Variants in SPNS1 observed in about 807,000 individuals in gnomAD.
The protein encoded by SPNS1 is protein spinster homolog 1.
In SPNS1, 22 loss-of-function variants were observed where a neutral mutation model predicts 50.3. That is an observed-to-expected ratio of 0.44 (90% confidence interval 0.31 to 0.62). The LOEUF (loss-of-function observed/expected upper bound fraction) is 0.62. Ranked by LOEUF, SPNS1 falls within the 20% of genes least tolerant of loss-of-function variation. The pLI is 0.07. For synonymous variants in SPNS1, 295 were observed against 317.4 expected, an observed-to-expected ratio of 0.93 and a Z score of 0.75; for missense variants, 576 against 728.6, an observed-to-expected ratio of 0.79 and a Z score of 2.41.
chr16:28,982,221 C>A, intron 7 of SPNS1, 135 bp from the exon 8 acceptor site: 1 of 1,349,028 alleles, frequency 7.4e-7, no homozygotes, highest in Non-Finnish European at 1.0e-6. Context: ...GGGATGATGT[C>A]TGCCACTCAG....
chr16:28,975,292 G>T lies in SPNS1; in HGVS notation c.141G>T (p.Leu47=). The T allele has an allele frequency of 6.3e-7, 1 of 1,580,442 alleles. No individual in the cohort carries two copies. The highest frequency in any genetic ancestry group is 8.6e-7 in the Non-Finnish European group (1 of 1,161,550). ...CCGAGGTCCCGGACCAGGAGGGGCT[G>T]CAGCGCATCACCGGCCTGTCTCCCG... ...EEPEVPDQEG[L]QRITGLSPGR... is the part of the protein sequence containing the mutation. Residue 47 remains leucine, a synonymous_variant, in exon 1 of 12, where the codon CTG becomes CTT. Transcript: ENST00000311008.
At chr16:28,975,603 T>C (rs771021788) in intron 2 of SPNS1, 46 bp downstream of exon 2, 52 of 1,609,532 alleles carry the variant, frequency 3.2e-5, no homozygotes, top group Non-Finnish European at 4.3e-5. Context: ...CTCCTTCTGT[T>C]CTGTCTCAAG....
intron 2 of SPNS1, among the ~76,000 whole-genome samples, chr16:28,977,330 A>G (rs1175865342): frequency 2.6e-5 from 4 of 151,676 alleles, no homozygotes; most frequent in Non-Finnish European, 4.4e-5. Flanking sequence ...AAAAAAAAAA[A>G]AAAGAGAAAA....
chr16:28,983,743 A>G lies in SPNS1; in HGVS notation c.1321-43A>G, dbSNP rs1353905766. On this transcript the variant is annotated intron_variant, in intron 10 of 11. Transcript: ENST00000311008. This position sits in a 1 kb window ranked among gnomAD's most constrained non-coding sequence, Gnocchi z 5.4. ...GGGGCGTGCCCTCCCTGGTTCATCC[A>G]TGAGGCTGACTCCCCTGGCTTTCCT... 7.2e-6 allele frequency: 11 copies of G among 1,529,256 alleles called. No individual in the cohort carries two copies. Among genetic ancestry groups the G allele is most frequent in the Non-Finnish European group, 9.6e-6 (11 of 1,140,280 alleles). The allele number at this position is 1,529,256 out of a possible 1,614,324, so 94.7% of individuals were successfully genotyped here. A position where few individuals can be genotyped will look rare whatever the true frequency, so the allele number is the denominator to read the frequency against.
Position 28,983,257 on chromosome 16 carries a change from G to A in SPNS1, c.1287G>A (p.Leu429=), listed in dbSNP as rs1358100833. Residue 429 remains leucine (L), a synonymous_variant, in exon 10 of 12, where the codon CTG becomes CTA. Coordinates refer to ENST00000311008, the MANE Select transcript of SPNS1 (RefSeq NM_032038.3). The surrounding 1 kb of genome is among the most constrained non-coding windows in gnomAD (Gnocchi z 5.4). ...EAFQIVLSHL[L]GDAGSPYLIG... is the part of the protein sequence containing the mutation. ...TCCAGATCGTGCTGTCCCACCTGCTGGGTGATGCTGGGAGCCCCTACCTCA... is the reference window on the plus strand; with the variant it reads ...TCCAGATCGTGCTGTCCCACCTGCTAGGTGATGCTGGGAGCCCCTACCTCA... 3 of 1,614,130 alleles carry A rather than the reference G, an allele frequency of 1.9e-6. No homozygotes were observed. Among genetic ancestry groups the A allele is most frequent in the Middle Eastern group, 1.6e-4 (1 of 6,062 alleles).
Position 28,981,569 on chromosome 16 carries a change from C to T in SPNS1, c.763C>T (p.Leu255=), listed in dbSNP as rs371104755. ...GGAGCGCCACTCAGATTTGCCACCC[C>T]TGAACCCCACCTCGTGGTGGGCAGA... ...AVERHSDLPP[L]NPTSWWADLR... The change falls in exon 6 of 12, where the codon CTG becomes TTG. Residue 255 remains leucine, a synonymous_variant. Coordinates refer to ENST00000311008, the MANE Select transcript of SPNS1 (RefSeq NM_032038.3). This position sits in a 1 kb window ranked among gnomAD's most constrained non-coding sequence, Gnocchi z 4.2. 326 of 1,614,164 alleles carry T rather than the reference C, an allele frequency of 2.0e-4. No homozygotes were observed. The Middle Eastern group carries it at 2.3e-3, about 11-fold the overall frequency.
At chr16:28,982,158 CA>C (rs2141675128) in intron 7 of SPNS1, 102 bp downstream of exon 7, 2 of 1,454,132 alleles carry the variant, frequency 1.4e-6, no homozygotes, top group East Asian at 4.8e-5. Flanking sequence ...CCTGACTTCA[CA>C]AGCTGCCTGC....
In SPNS1 at chr16:28,983,689, G is replaced by T; in HGVS notation, c.1321-97G>T. 1 of 1,375,508 alleles carries T rather than the reference G, an allele frequency of 7.3e-7. No individual in the cohort carries two copies. The allele number at this position is 1,375,508 out of a possible 1,614,324, so 85.2% of individuals were successfully genotyped here. The stretch of plus-strand genomic sequence containing the variant: ...GCTCAAACCTCCTTCCCTTTCCTGG[G>T]CTCCACTTGTCTTTCTCCCTGGAGC... On this transcript the variant is annotated intron_variant, in intron 10 of 11. Transcript: ENST00000311008. The surrounding 1 kb of genome is among the most constrained non-coding windows in gnomAD (Gnocchi z 5.4).
intron 2 of SPNS1, among the ~76,000 whole-genome samples, chr16:28,976,416 A>T (rs754801916): frequency 2.6e-5 from 4 of 152,080 alleles, no homozygotes; most frequent in Non-Finnish European, 5.9e-5. Flanking sequence ...TTCATTTCTC[A>T]ACCATTTCTG....
Position 28,979,316 on chromosome 16 carries a change from C to T in SPNS1, c.596+10C>T. The T allele has an allele frequency of 1.9e-6, 3 of 1,614,054 alleles. No individual in the cohort carries two copies. Among genetic ancestry groups the T allele is most frequent in the Non-Finnish European group, 2.5e-6 (3 of 1,179,974 alleles). On this transcript the variant is annotated intron_variant, in intron 4 of 11. Coordinates refer to ENST00000311008, the MANE Select transcript of SPNS1 (RefSeq NM_032038.3). ...CCATTCCGGTGGGCAGGTGAGTGGG[C>T]CTGGGGCCTGGGGGAAGGCAGAAGG...
Position 28,982,515 on chromosome 16 carries a change from C to T in SPNS1, c.1125C>T (p.Ala375=). Residue 375 remains alanine, a synonymous_variant, in exon 8 of 12, where the codon GCC becomes GCT. Coordinates refer to ENST00000311008, the MANE Select transcript of SPNS1 (RefSeq NM_032038.3). The stretch of plus-strand genomic sequence containing the variant: ...CACCCTTCCTCTTCCTGTCCCTTGC[C>T]TGCGCCCGTGGTAGCATCGTGGCCA... ...GSAPFLFLSL[A]CARGSIVATY... 1 of 1,612,148 alleles carries T rather than the reference C, an allele frequency of 6.2e-7. No homozygotes were observed.
At chr16:28,979,375 C>T (rs918942707) in intron 4 of SPNS1, 30 bp from the exon 5 acceptor site, 9 of 1,613,888 alleles carry the variant, frequency 5.6e-6, no homozygotes, top group South Asian at 1.1e-5. Context: ...ACTGGCTGTC[C>T]CCCCTTTTTC....
intron 3 of SPNS1, 118 bp downstream of exon 3, chr16:28,978,162 A>G (rs923535183): frequency 4.4e-6 from 6 of 1,371,878 alleles, no homozygotes; most frequent in Middle Eastern, 5.1e-4. Context: ...TCCCTGGTCC[A>G]TGCCATTTTA....
intron 2 of SPNS1, among the ~76,000 whole-genome samples, 158 bp from the exon 3 acceptor site, chr16:28,977,750 T>A (rs1227661382): frequency 2.0e-5 from 3 of 152,176 alleles, no homozygotes; most frequent in Non-Finnish European, 2.9e-5. Flanking sequence ...ACCATCCGCC[T>A]GACAGGAAGC....
Position 28,981,660 on chromosome 16 carries a change from G to T in SPNS1, c.809+45G>T. 6.2e-7 allele frequency: 1 copy of T among 1,602,898 alleles called. No individual in the cohort carries two copies. The highest frequency in any genetic ancestry group is 8.5e-7 in the Non-Finnish European group (1 of 1,173,234). On this transcript the variant is annotated intron_variant, in intron 6 of 11. Coordinates refer to ENST00000311008, the MANE Select transcript of SPNS1 (RefSeq NM_032038.3). The surrounding 1 kb of genome is among the most constrained non-coding windows in gnomAD (Gnocchi z 4.2). ...AGACCACCATCTGAGGCCCCCTGGC[G>T]TCTGGTTTGAGGTTTAAGTGGGGAT...
In SPNS1 at chr16:28,984,431, A is replaced by G. The variant is rs1184303800; in HGVS notation, c.*132A>G. The G allele has an allele frequency of 6.5e-6, 6 of 919,064 alleles. No individual in the cohort carries two copies. In the Middle Eastern group the frequency reaches 6.3e-4, roughly 96 times the overall value. 56.9% of individuals were successfully genotyped at this position (919,064 alleles called of 1,614,324 possible). ...CTGGGCCGTGTGCCAGCTCCCAGAC[A>G]CTACCTGGGTAGCTCAGGGGAGGAG... is the stretch of plus-strand genomic sequence containing the variant. On this transcript the variant is annotated 3_prime_UTR_variant, in exon 12 of 12. Coordinates refer to ENST00000311008, the MANE Select transcript of SPNS1 (RefSeq NM_032038.3).
Position 28,975,411 on chromosome 16 carries a change from G to A in SPNS1, c.241+19G>A, listed in dbSNP as rs1302058970. On this transcript the variant is annotated intron_variant, in intron 1 of 11. Coordinates refer to ENST00000311008, the MANE Select transcript of SPNS1 (RefSeq NM_032038.3). ...GTGGCTGGTAGGGACTCACTTCTGGGAGGAAGATAGTCTAGGAGAGGGGAG... is the reference window on the plus strand; with the variant it reads ...GTGGCTGGTAGGGACTCACTTCTGGAAGGAAGATAGTCTAGGAGAGGGGAG... 1.2e-6 allele frequency: 2 copies of A among 1,613,972 alleles called. No individual in the cohort carries two copies. Among genetic ancestry groups the A allele is most frequent in the South Asian group, 2.2e-5 (2 of 91,082 alleles).
At position 28,981,438 on chromosome 16, in the gene SPNS1, C is replaced by G; in HGVS notation, c.664-32C>G. On this transcript the variant is annotated intron_variant, in intron 5 of 11. Coordinates refer to ENST00000311008, the MANE Select transcript of SPNS1 (RefSeq NM_032038.3). The surrounding 1 kb of genome is among the most constrained non-coding windows in gnomAD (Gnocchi z 4.2). ...GCCCAGGGCTTGAGTGTGTCTCTCC[C>G]TGTGCCTATCCTGAAGCCCTCTGTC... 6.2e-7 allele frequency: 1 copy of G among 1,613,398 alleles called. No homozygotes were observed. Among genetic ancestry groups the G allele is most frequent in the African/African-American group, 1.3e-5 (1 of 75,050 alleles).
Position 28,983,014 on chromosome 16 carries a change from C to T in SPNS1, c.1221+92C>T. On this transcript the variant is annotated intron_variant, in intron 9 of 11. Transcript: ENST00000311008. This position sits in a 1 kb window ranked among gnomAD's most constrained non-coding sequence, Gnocchi z 5.4. ...TTGCCTCTACCCCTCAAAGCCCAGC[C>T]TCAACCTACCTTCTGCAATAAATAA... 7.1e-7 allele frequency: 1 copy of T among 1,410,310 alleles called. No homozygotes were observed. Among genetic ancestry groups the T allele is most frequent in the Admixed American group, 1.7e-5 (1 of 58,314 alleles). 87.4% of individuals were successfully genotyped at this position (1,410,310 alleles called of 1,614,324 possible). A position where few individuals can be genotyped will look rare whatever the true frequency, so the allele number is the denominator to read the frequency against.
Sources: allele counts gnomAD v4.1 joint callset (sites outside exome capture counted in the v4.1 genomes callset), GRCh38; gene constraint gnomAD v4.1.1; non-coding constraint Gnocchi (gnomAD v3.1); transcripts MANE v1.5; gene names NCBI Gene and HGNC (gene_info 2026-07-23, HGNC 2026-07-21).